Variants in KDM4C observed in about 807,000 individuals in gnomAD.
KDM4C encodes lysine demethylase 4C.
KDM4C carries 81 observed loss-of-function variants against 129.3 expected under a neutral mutation model. The ratio of observed to expected loss-of-function variants is 0.63; its 90% CI spans 0.52 to 0.75. The LOEUF (loss-of-function observed/expected upper bound fraction) is 0.75, where lower values mean the gene tolerates loss of function less well. KDM4C is among the 30% of genes least tolerant of loss of function. The pLI is 0.00. For synonymous variants in KDM4C, 573 were observed against 456.1 expected (o/e 1.26, Z -3.26); for missense variants, 1,457 against 1,304.0 (o/e 1.12, Z -1.81).
Position 6,984,176 on chromosome 9 carries a change from G to A in KDM4C, c.1126G>A (p.Ala376Thr), listed in dbSNP as rs1368769406. Residue 376 changes from alanine to threonine, a missense_variant, in exon 10 of 22, where the codon GCT (alanine) becomes ACT (threonine). Physicochemically the swap from Ala to Thr is moderately conservative, Grantham distance 58. Transcript: ENST00000381309. ...VRKASRSFQC[A>T]RSTSKRPKAD... ...TTCTCTTGTTGACAGCTTCCAGTGT[G>A]CTAGGTCTACCTCTAAAAGGCCTAA... 1.2e-6 allele frequency: 2 copies of A among 1,612,472 alleles called. No individual in the cohort carries two copies.
chr9:6,857,120 A>C (rs1840001909), intron 5 of KDM4C, among the ~76,000 whole-genome samples: 1 of 152,100 alleles, frequency 6.6e-6, no homozygotes, highest in African/African-American at 2.4e-5. Context: ...TGGCCCCCCG[A>C]AGTCCTGGGA....
intron 8 of KDM4C, among the ~76,000 whole-genome samples, chr9:6,952,398 A>AGTGTGTAT (rs990902567): frequency 7.7e-6 from 1 of 130,478 alleles, no homozygotes; most frequent in African/African-American, 2.9e-5. Flanking sequence ...AATTGTTCAC[A>AGTGTGTAT]GTGTGTATGT....
intron 16 of KDM4C, among the ~76,000 whole-genome samples, chr9:7,047,876 G>T (rs1010338395): frequency 6.6e-6 from 1 of 151,908 alleles, no homozygotes; most frequent in East Asian, 1.9e-4. Context: ...CTTACATTCC[G>T]CCTGGCCCCC....
At chr9:6,733,670 C>A (rs1047317468) in intron 1 of KDM4C, among the ~76,000 whole-genome samples, 2 of 152,126 alleles carry the variant, frequency 1.3e-5, no homozygotes, top group African/African-American at 4.8e-5. Flanking sequence ...AGAAAGAGTT[C>A]AGGGAGAGTC....
chr9:7,090,205 A>G (rs1167908073), intron 17 of KDM4C, among the ~76,000 whole-genome samples: 2 of 152,244 alleles, frequency 1.3e-5, no homozygotes, highest in Non-Finnish European at 2.9e-5. Flanking sequence ...CTTGACAAGC[A>G]GATTCTTTCT....
rs140590916 is a variant in KDM4C, at chr9:7,059,985, G to T, written c.2424+10785G>T. Among the ~76,000 whole-genome samples the T allele has an allele frequency of 5.8e-3, 886 of 152,152 alleles. 14 individuals are homozygous for T. Among genetic ancestry groups the T allele is most frequent in the African/African-American group, 0.019 (794 of 41,532 alleles). Reference sequence around the variant, plus strand: ...TAATAACGTTTAAGAGTATAAAAGAGTCCGGATACCAAAAAGTTTGAAAAC... The same window carrying T: ...TAATAACGTTTAAGAGTATAAAAGATTCCGGATACCAAAAAGTTTGAAAAC... On this transcript the variant is annotated intron_variant, in intron 17 of 21. Coordinates refer to ENST00000381309, the MANE Select transcript of KDM4C (RefSeq NM_015061.6).
chr9:7,118,211 G>C (rs940296728), intron 18 of KDM4C, among the ~76,000 whole-genome samples: 1 of 152,152 alleles, frequency 6.6e-6, no homozygotes, highest in African/African-American at 2.4e-5. Flanking sequence ...CTGGGAAACT[G>C]CTTACCACCA....
At chr9:7,111,808 T>A (rs549807028) in intron 18 of KDM4C, among the ~76,000 whole-genome samples, 1 of 152,304 alleles carries the variant, frequency 6.6e-6, no homozygotes, top group Non-Finnish European at 1.5e-5. Flanking sequence ...AACCCCGTTT[T>A]TATATATCCC....
chr9:7,069,750 C>T (rs759850532), intron 17 of KDM4C, among the ~76,000 whole-genome samples: 2 of 151,916 alleles, frequency 1.3e-5, no homozygotes, highest in Non-Finnish European at 2.9e-5. Context: ...AAATGTGACT[C>T]CCTAAATGGG....
intron 17 of KDM4C, among the ~76,000 whole-genome samples, chr9:7,071,227 C>T (rs563617499): frequency 3.9e-5 from 6 of 152,228 alleles, no homozygotes; most frequent in Non-Finnish European, 8.8e-5. Context: ...AATATTAATT[C>T]TCCACCAAAT....
At chr9:6,858,539 C>T (rs946875009) in intron 5 of KDM4C, among the ~76,000 whole-genome samples, 1 of 152,124 alleles carries the variant, frequency 6.6e-6, no homozygotes, top group Non-Finnish European at 1.5e-5. Context: ...GTTGGGAGGC[C>T]TAGGTGGGCG....
At chr9:7,158,474 G>C (rs989530678) in intron 19 of KDM4C, among the ~76,000 whole-genome samples, 8 of 151,896 alleles carry the variant, frequency 5.3e-5, no homozygotes, top group African/African-American at 1.7e-4. Flanking sequence ...TTCTCTTGTG[G>C]GCATTTAGTG....
intron 19 of KDM4C, 105 bp downstream of exon 19, chr9:7,128,341 T>C: frequency 1.4e-6 from 1 of 727,892 alleles, no homozygotes; most frequent in Non-Finnish European, 2.1e-6. Flanking sequence ...GAGTAGCTCA[T>C]TCACTTGGTT....
chr9:6,832,857 A>T (rs1311974934), intron 4 of KDM4C, among the ~76,000 whole-genome samples: 1 of 150,082 alleles, frequency 6.7e-6, no homozygotes. Context: ...ACTCTGTAGT[A>T]GCTGGGATTA....
intron 1 of KDM4C, among the ~76,000 whole-genome samples, chr9:6,725,905 G>A (rs559802119): frequency 4.4e-5 from 6 of 135,722 alleles, no homozygotes; most frequent in African/African-American, 1.4e-4. Context: ...TAGAGATGGG[G>A]TTTCTTTCTT....
At chr9:6,933,715 G>T (rs1041078833) in intron 8 of KDM4C, among the ~76,000 whole-genome samples, 3 of 152,144 alleles carry the variant, frequency 2.0e-5, no homozygotes, top group African/African-American at 7.2e-5. Flanking sequence ...AATGGAGTAA[G>T]TATTTTAGTT....
chr9:6,832,683 C>A (rs184447217), intron 4 of KDM4C, among the ~76,000 whole-genome samples: 1,649 of 151,070 alleles, frequency 0.011, 31 homozygotes, highest in African/African-American at 0.037. Flanking sequence ...CCTCGGCCTC[C>A]CAAAGTGCTG....
At chr9:7,173,041 A>T (rs1461875907) in intron 21 of KDM4C, among the ~76,000 whole-genome samples, 1 of 152,272 alleles carries the variant, frequency 6.6e-6, no homozygotes, top group Non-Finnish European at 1.5e-5. Context: ...ACTGAACAGC[A>T]GCCAAATACT....
At chr9:7,155,513 C>G (rs1236345312) in intron 19 of KDM4C, among the ~76,000 whole-genome samples, 1 of 152,088 alleles carries the variant, frequency 6.6e-6, no homozygotes, top group East Asian at 1.9e-4. Flanking sequence ...CCGCATCCCC[C>G]CACCCCTCAA....
Sources: allele counts gnomAD v4.1 joint callset (sites outside exome capture counted in the v4.1 genomes callset), GRCh38; gene constraint gnomAD v4.1.1; transcripts MANE v1.5; gene names NCBI Gene and HGNC (gene_info 2026-07-23, HGNC 2026-07-21).